Variants in ENOSF1 observed in about 807,000 individuals in gnomAD.
ENOSF1 encodes enolase superfamily member 1.
ENOSF1 carries 73 observed loss-of-function variants against 68.2 expected under a neutral mutation model. The ratio of observed to expected loss-of-function variants is 1.07; its 90% CI spans 0.89 to 1.30. ENOSF1 has a LOEUF of 1.30. Among genes scored for constraint, ENOSF1 ranks in the 50% most tolerant of loss-of-function variants. ENOSF1 has a pLI of 0.00. For synonymous variants in ENOSF1, 223 were observed against 210.4 expected, an observed-to-expected ratio of 1.06 and a Z score of -0.52; for missense variants, 589 against 554.5, an observed-to-expected ratio of 1.06 and a Z score of -0.62.
At chr18:687,596 T>A (rs2144887267) in intron 9 of ENOSF1, 1 of 152,234 alleles carries the variant, frequency 6.6e-6, no homozygotes, top group Non-Finnish European at 1.5e-5. Context: ...GGACACACAG[T>A]GACTGGGTCA....
intron 1 of ENOSF1, among the ~76,000 whole-genome samples, chr18:708,879 C>A (rs1644302448): frequency 1.3e-5 from 2 of 152,146 alleles, no homozygotes; most frequent in Admixed American, 6.5e-5. Flanking sequence ...AGCGATGAGG[C>A]TGAGAAGGAG....
chr18:694,627 C>CAAAAAAAAAA (rs1304863597), intron 3 of ENOSF1, among the ~76,000 whole-genome samples: 1 of 107,846 alleles, frequency 9.3e-6, no homozygotes. Flanking sequence ...GACTCTGTCT[C>CAAAAAAAAAA]AAAAAAAAAA....
At chr18:669,288 C>T (rs1321159840), downstream of ENOSF1, 2 of 738,780 alleles carry the variant, frequency 2.7e-6, no homozygotes, top group Admixed American at 2.6e-5. Flanking sequence ...CCCCCAGCCA[C>T]ATGGTTGATT....
At chr18:708,612 G>C (rs970977544) in intron 1 of ENOSF1, among the ~76,000 whole-genome samples, 2 of 152,144 alleles carry the variant, frequency 1.3e-5, no homozygotes, top group South Asian at 2.1e-4. Flanking sequence ...GGCAGAGAGC[G>C]CTGTTAGCTG....
At chr18:709,646 C>A (rs2079302426) in intron 1 of ENOSF1, among the ~76,000 whole-genome samples, 1 of 152,016 alleles carries the variant, frequency 6.6e-6, no homozygotes, top group Non-Finnish European at 1.5e-5. Context: ...TGGTGCACAC[C>A]TGTAATCACA....
chr18:666,320 T>G (rs1398639642), downstream of ENOSF1, among the ~76,000 whole-genome samples: 2 of 151,944 alleles, frequency 1.3e-5, no homozygotes, highest in South Asian at 2.1e-4. Flanking sequence ...TAATCTCCCT[T>G]TCGAGGCTGA....
intron 2 of ENOSF1, among the ~76,000 whole-genome samples, 166 bp downstream of exon 2, chr18:706,303 CA>C (rs2078927597): frequency 8.4e-6 from 1 of 119,318 alleles, no homozygotes; most frequent in Admixed American, 8.8e-5. Context: ...CCCAGTGAAA[CA>C]AGTAACAAAC....
chr18:689,180 GC>G (rs2076912321), intron 8 of ENOSF1, among the ~76,000 whole-genome samples: 1 of 152,158 alleles, frequency 6.6e-6, no homozygotes, highest in South Asian at 2.1e-4. Context: ...ACCTTCCAGA[GC>G]CCAAGGTGAC....
downstream of ENOSF1, among the ~76,000 whole-genome samples, chr18:666,938 G>C (rs566485183): frequency 2.3e-4 from 9 of 39,924 alleles, no homozygotes; most frequent in African/African-American, 6.0e-4. Context: ...GATGGTGATG[G>C]AGATGGTGAT....
At chr18:701,145 T>C (rs980538334) in intron 2 of ENOSF1, among the ~76,000 whole-genome samples, 4 of 152,170 alleles carry the variant, frequency 2.6e-5, no homozygotes, top group African/African-American at 9.7e-5. Flanking sequence ...GCTGGATTTT[T>C]AAAAATTTTG....
In ENOSF1 at chr18:685,392, T is replaced by C. The variant is rs375299220; in HGVS notation, c.741+529A>G. On this transcript the variant is annotated intron_variant, in intron 10 of 15. Coordinates refer to ENST00000647584, the MANE Select transcript of ENOSF1 (RefSeq NM_017512.7). ...GCAGCATTAATTCATGTATAAATAG[T>C]GATCCTGGGTCAAGAACTCAAAATT... Among the ~76,000 whole-genome samples the C allele has an allele frequency of 1.2e-3, 178 of 151,858 alleles. 1 individual carries two copies. The highest frequency in any genetic ancestry group is 4.0e-3 in the African/African-American group (167 of 41,446).
the ENOSF1 span, among the ~76,000 whole-genome samples, chr18:663,835 G>A: frequency 8.7e-5 from 9 of 103,314 alleles, no homozygotes; most frequent in African/African-American, 4.0e-4. Context: ...GTAGATATGC[G>A]GTGTTATTTC....
intron 5 of ENOSF1, chr18:693,329 TTTC>T (rs1312881747): frequency 2.3e-5 from 28 of 1,211,436 alleles, no homozygotes; most frequent in Non-Finnish European, 2.7e-5. Context: ...TCTTTTCTTT[TTTC>T]TTTTTTTGAG....
At chr18:667,095 A>C (rs374286899), downstream of ENOSF1, among the ~76,000 whole-genome samples, 3 of 29,446 alleles carry the variant, frequency 1.0e-4, no homozygotes, top group African/African-American at 9.8e-4. Context: ...ATGGTGATGG[A>C]GATGGAGATG....
At chr18:693,518 T>G (rs2077413416) in intron 5 of ENOSF1, 2 of 985,284 alleles carry the variant, frequency 2.0e-6, no homozygotes, top group Non-Finnish European at 2.4e-6. Context: ...CTTTTCAGAG[T>G]TTATGAGGTG....
At chr18:694,810 C>T (rs1301943699) in intron 3 of ENOSF1, among the ~76,000 whole-genome samples, 2 of 146,396 alleles carry the variant, frequency 1.4e-5, no homozygotes, top group Admixed American at 6.8e-5. Context: ...TCTCTTCTTT[C>T]TCTCTCTCTA....
At chr18:687,013 T>C (rs1598621559) in intron 9 of ENOSF1, 2 of 97,446 alleles carry the variant, frequency 2.1e-5, no homozygotes, top group Non-Finnish European at 5.1e-5. Flanking sequence ...ACTCACCAGA[T>C]ACACTGCTGC....
chr18:670,948 G>T lies in ENOSF1; in HGVS notation c.*3357C>A. ...CTTTAATATGGGAAAACAAATTGCA[G>T]AGTTTAGTCTCTGATTAGCTTTTAA... On this transcript the variant is annotated 3_prime_UTR_variant, in exon 16 of 16. Coordinates refer to ENST00000647584, the MANE Select transcript of ENOSF1 (RefSeq NM_017512.7). 1 of 1,494,168 alleles carries T rather than the reference G, an allele frequency of 6.7e-7. No individual in the cohort carries two copies. The highest frequency in any genetic ancestry group is 9.1e-7 in the Non-Finnish European group (1 of 1,097,758). The allele number at this position is 1,494,168 out of a possible 1,614,324, so 92.6% of individuals were successfully genotyped here.
At chr18:690,702 A>AAGTTGTTTCCCCTGGAGAGTCC in intron 7 of ENOSF1, 71 bp from the exon 8 acceptor site, 1 of 1,579,840 alleles carries the variant, frequency 6.3e-7, no homozygotes, top group South Asian at 1.2e-5. Context: ...GCCTGTAGCT[A>AAGTTGTTTCCCCTGGAGAGTCC]AGCTGTTTCC....
Sources: allele counts gnomAD v4.1 joint callset (sites outside exome capture counted in the v4.1 genomes callset), GRCh38; gene constraint gnomAD v4.1.1; transcripts MANE v1.5; gene names NCBI Gene and HGNC (gene_info 2026-07-23, HGNC 2026-07-21).